The following GLIS3 variants were observed in gnomAD, a reference collection of about 807,000 sequenced individuals.
GLIS3 encodes the protein GLIS family zinc finger 3, also known as zinc finger protein GLIS3.
Under a neutral mutation model 78.6 loss-of-function variants are expected in GLIS3, and 53 were observed. The observed-to-expected ratio is 0.67, with a 90% CI of 0.54 to 0.85. The LOEUF (loss-of-function observed/expected upper bound fraction) is 0.85, where lower values mean the gene tolerates loss of function less well. Ranked by LOEUF, GLIS3 falls within the 40% of genes least tolerant of loss-of-function variation. The pLI, the probability that GLIS3 is intolerant of heterozygous loss-of-function variation, is 0.00. For missense variants in GLIS3, 1,703 were observed against 1,231.1 expected, an observed-to-expected ratio of 1.38 and a Z score of -5.74; for synonymous variants, 684 against 509.9, an observed-to-expected ratio of 1.34 and a Z score of -4.60.
At chr9:4,252,101 A>G (rs960398848) in intron 2 of GLIS3, among the ~76,000 whole-genome samples, 6 of 152,062 alleles carry the variant, frequency 3.9e-5, no homozygotes, top group Admixed American at 1.3e-4. Context: ...GCTCTTCTCA[A>G]GGAGTATCTT....
intron 4 of GLIS3, among the ~76,000 whole-genome samples, chr9:4,110,416 TA>T (rs984851743): frequency 6.6e-6 from 1 of 152,196 alleles, no homozygotes; most frequent in Non-Finnish European, 1.5e-5. Context: ...ACTAATCATT[TA>T]AAAAATTATT....
intron 2 of GLIS3, among the ~76,000 whole-genome samples, chr9:4,220,920 G>T (rs934655506): frequency 2.6e-4 from 40 of 152,150 alleles, no homozygotes; most frequent in African/African-American, 9.7e-4. Flanking sequence ...AGGAGGTGGA[G>T]GTTGCAGTGA....
chr9:4,463,833 A>G, the GLIS3 span, among the ~76,000 whole-genome samples: 2 of 152,220 alleles, frequency 1.3e-5, no homozygotes, highest in African/African-American at 4.8e-5. Context: ...GTTCAGCACT[A>G]AGAGTGCAGG....
intron 4 of GLIS3, among the ~76,000 whole-genome samples, chr9:4,027,196 A>C (rs771206703): frequency 2.0e-5 from 3 of 152,250 alleles, no homozygotes; most frequent in Non-Finnish European, 4.4e-5. Flanking sequence ...CCTGGCTAAA[A>C]GTACACATTT....
intron 6 of GLIS3, among the ~76,000 whole-genome samples, chr9:3,923,806 C>T (rs994921739): frequency 6.6e-6 from 1 of 152,148 alleles, no homozygotes; most frequent in Non-Finnish European, 1.5e-5. Context: ...ATAGCCTAGA[C>T]CTCATGTAGT....
At chr9:4,420,695 A>T in the GLIS3 span, among the ~76,000 whole-genome samples, 1 of 152,162 alleles carries the variant, frequency 6.6e-6, no homozygotes, top group Non-Finnish European at 1.5e-5. Flanking sequence ...GCCCCAGTGT[A>T]CTAGTCCATT....
At chr9:3,988,832 C>A (rs1414911740) in intron 4 of GLIS3, among the ~76,000 whole-genome samples, 7 of 151,758 alleles carry the variant, frequency 4.6e-5, no homozygotes, top group African/African-American at 1.7e-4. Context: ...AAGCCAGAAA[C>A]AAATTGTTAG....
the GLIS3 span, among the ~76,000 whole-genome samples, chr9:4,424,433 A>T: frequency 6.6e-6 from 1 of 152,364 alleles, no homozygotes; most frequent in Non-Finnish European, 1.5e-5. Context: ...AACAGATTCT[A>T]GCCTAGATTC....
At chr9:4,109,773 G>A (rs953705756) in intron 4 of GLIS3, among the ~76,000 whole-genome samples, 2 of 152,108 alleles carry the variant, frequency 1.3e-5, no homozygotes, top group Admixed American at 6.5e-5. Flanking sequence ...CCTAGTCTTG[G>A]ACCATCAAAC....
At chr9:3,934,957 C>A (rs62523477) in intron 5 of GLIS3, among the ~76,000 whole-genome samples, 7,266 of 152,158 alleles carry the variant, frequency 0.048, 217 homozygotes, top group Non-Finnish European at 0.061. Context: ...CTGTACTGTA[C>A]AATTACTGTG....
intron 6 of GLIS3, among the ~76,000 whole-genome samples, chr9:3,915,900 C>G (rs1025804234): frequency 6.6e-6 from 1 of 152,190 alleles, no homozygotes; most frequent in African/African-American, 2.4e-5. Flanking sequence ...GCATATCTCT[C>G]TTTCTTCCCC....
At chr9:4,286,810 C>T (rs1828041737) in intron 1 of GLIS3, among the ~76,000 whole-genome samples, 1 of 152,136 alleles carries the variant, frequency 6.6e-6, no homozygotes, top group Admixed American at 6.5e-5. Flanking sequence ...TGCCAGCTTG[C>T]AAAACAAAAC....
chr9:4,241,973 C>T (rs929858990), intron 2 of GLIS3, among the ~76,000 whole-genome samples: 3 of 152,302 alleles, frequency 2.0e-5, no homozygotes, highest in Admixed American at 6.5e-5. Context: ...CATCGGCCAC[C>T]GTGCCTGGCC....
At chr9:4,089,339 G>A (rs559758675) in intron 4 of GLIS3, among the ~76,000 whole-genome samples, 1 of 149,104 alleles carries the variant, frequency 6.7e-6, no homozygotes, top group East Asian at 1.9e-4. Flanking sequence ...CTTGAAGAGT[G>A]GATAACATTT....
the GLIS3 span, among the ~76,000 whole-genome samples, chr9:4,385,892 G>C: frequency 1.3e-5 from 2 of 151,940 alleles, no homozygotes; most frequent in Admixed American, 6.6e-5. Flanking sequence ...AGCCAATCCC[G>C]AAAGAGATTC....
intron 2 of GLIS3, among the ~76,000 whole-genome samples, chr9:4,268,269 G>A (rs1388088641): frequency 6.6e-6 from 1 of 151,926 alleles, no homozygotes; most frequent in African/African-American, 2.4e-5. Flanking sequence ...CCACTCCACT[G>A]GGTTTTTGAC....
At chr9:4,345,639 A>G (rs1223103097) in intron 2 of GLIS3, among the ~76,000 whole-genome samples, 1 of 152,218 alleles carries the variant, frequency 6.6e-6, no homozygotes, top group Non-Finnish European at 1.5e-5. Flanking sequence ...CTTTAAATGT[A>G]GCAGATTGGA....
chr9:3,829,444 G>A lies in GLIS3; in HGVS notation c.2522C>T (p.Ser841Phe). ...QKFCPPHYPDSQRIVPPVSSC... is the reference protein window; with the variant it reads ...QKFCPPHYPDFQRIVPPVSSC... Reference sequence around the variant, plus strand: ...GCTGACAGGCGGCACAATTCTCTGGGAATCGGGGTAGTGTGGGGGACAGAA... The same window carrying A: ...GCTGACAGGCGGCACAATTCTCTGGAAATCGGGGTAGTGTGGGGGACAGAA... Residue 841 changes from serine (S) to phenylalanine (F), a missense_variant, in exon 10 of 11, where the codon TCC (serine) becomes TTC (phenylalanine). Ser to Phe is a radical substitution (Grantham distance 155). Transcript: ENST00000381971. The A allele has an allele frequency of 6.2e-7, 1 of 1,614,140 alleles. No individual in the cohort carries two copies. Among genetic ancestry groups the A allele is most frequent in the Non-Finnish European group, 8.5e-7 (1 of 1,180,018 alleles).
chr9:4,090,216 T>A (rs188530416), intron 4 of GLIS3, among the ~76,000 whole-genome samples: 1 of 152,304 alleles, frequency 6.6e-6, no homozygotes, highest in Non-Finnish European at 1.5e-5. Context: ...GTCCTCATTA[T>A]CTTTTGGGAA....
Sources: allele counts gnomAD v4.1 joint callset (sites outside exome capture counted in the v4.1 genomes callset), GRCh38; gene constraint gnomAD v4.1.1; transcripts MANE v1.5; gene names NCBI Gene and HGNC (gene_info 2026-07-23, HGNC 2026-07-21).